LMNB1: variants seen among roughly 807,000 people sequenced by gnomAD.
LMNB1 encodes the protein lamin-B1.
A neutral mutation model predicts 67.1 loss-of-function variants in LMNB1; 23 were observed. That is an observed-to-expected ratio of 0.34 (90% confidence interval 0.25 to 0.49). The LOEUF (loss-of-function observed/expected upper bound fraction) is 0.49. LMNB1 is among the 20% of genes least tolerant of loss of function. The pLI is 0.99. For missense variants in LMNB1, 634 were observed against 746.5 expected (o/e 0.85, Z 1.76); for synonymous variants, 281 against 282.9 (o/e 0.99, Z 0.07).
At chr5:126,812,531 C>T (rs777391703) in intron 5 of LMNB1, among the ~76,000 whole-genome samples, 1 of 152,124 alleles carries the variant, frequency 6.6e-6, no homozygotes, top group Non-Finnish European at 1.5e-5. Flanking sequence ...GACACTACTT[C>T]AGATCAGTTT....
At chr5:126,790,551 T>G (rs529325320) in intron 1 of LMNB1, among the ~76,000 whole-genome samples, 2 of 152,220 alleles carry the variant, frequency 1.3e-5, no homozygotes, top group African/African-American at 4.8e-5. Flanking sequence ...TGATCACCTA[T>G]AAAAATAGTA....
At chr5:126,802,118 T>C (rs1237508107) in intron 1 of LMNB1, among the ~76,000 whole-genome samples, 1 of 152,160 alleles carries the variant, frequency 6.6e-6, no homozygotes, top group East Asian at 1.9e-4. Context: ...TCTGGACTAG[T>C]CTTCAGTTAA....
intron 6 of LMNB1, among the ~76,000 whole-genome samples, chr5:126,819,781 C>T (rs1751814838): frequency 6.6e-6 from 1 of 152,110 alleles, no homozygotes; most frequent in Non-Finnish European, 1.5e-5. Flanking sequence ...AGCCACCACG[C>T]CCGGCTGGCT....
intron 1 of LMNB1, among the ~76,000 whole-genome samples, chr5:126,799,253 C>T (rs1163942588): frequency 1.3e-5 from 2 of 152,202 alleles, no homozygotes; most frequent in African/African-American, 4.8e-5. Flanking sequence ...CTCCTGACCT[C>T]GTGATCCGCC....
Position 126,787,266 on chromosome 5 carries a change from A to C in LMNB1, c.359+9399A>C, listed in dbSNP as rs145939699. On this transcript the variant is annotated intron_variant, in intron 1 of 10. Transcript: ENST00000261366. ...CAAGGACCGCTACCTAAGGCAGGCT[A>C]GGAGCCGTGTGAAATTTTGAAAGAC... 3.4e-3 allele frequency among the ~76,000 whole-genome samples: 511 copies of C among 152,094 alleles called. 5 individuals are homozygous for C. The highest frequency in any genetic ancestry group is 0.012 in the African/African-American group (489 of 41,488).
In LMNB1 at chr5:126,786,271, C is replaced by T. The variant is rs1964722; in HGVS notation, c.359+8404C>T. On this transcript the variant is annotated intron_variant, in intron 1 of 10. Coordinates refer to ENST00000261366, the MANE Select transcript of LMNB1 (RefSeq NM_005573.4). ...CCAAGTAGCTGGGACTACAGGTGCCCGCCACTACGCCCGGCTAATTTTTTG... is the reference window on the plus strand; with the variant it reads ...CCAAGTAGCTGGGACTACAGGTGCCTGCCACTACGCCCGGCTAATTTTTTG... Among the ~76,000 whole-genome samples, 14 of 151,626 alleles carry T rather than the reference C, an allele frequency of 9.2e-5. No individual in the cohort carries two copies. In the East Asian group the frequency reaches 1.2e-3, roughly 13 times the overall value.
At chr5:126,817,181 G>C (rs1751732535) in intron 5 of LMNB1, among the ~76,000 whole-genome samples, 1 of 152,110 alleles carries the variant, frequency 6.6e-6, no homozygotes, top group South Asian at 2.1e-4. Context: ...GGCTTAAATT[G>C]TTTCATATTT....
In LMNB1 at chr5:126,785,208, G is replaced by C. The variant is rs187463213; in HGVS notation, c.359+7341G>C. On this transcript the variant is annotated intron_variant, in intron 1 of 10. Transcript: ENST00000261366. Reference sequence around the variant, plus strand: ...TCACCATGTCGGCCAGGATCATCTCGATCTCCTGACCTCGTGATCCGCCCG... The same window carrying C: ...TCACCATGTCGGCCAGGATCATCTCCATCTCCTGACCTCGTGATCCGCCCG... 3.9e-4 allele frequency among the ~76,000 whole-genome samples: 58 copies of C among 148,664 alleles called. No individual in the cohort carries two copies. The East Asian group carries it at 9.7e-3, about 25-fold the overall frequency.
chr5:126,833,736 G>A (rs1000800157), intron 10 of LMNB1, among the ~76,000 whole-genome samples: 2 of 152,166 alleles, frequency 1.3e-5, no homozygotes, highest in Non-Finnish European at 2.9e-5. Context: ...ATAACTCAAG[G>A]CACCAGACAA....
intron 4 of LMNB1, among the ~76,000 whole-genome samples, chr5:126,811,279 AT>A (rs1215966542): frequency 6.6e-6 from 1 of 152,216 alleles, no homozygotes; most frequent in Non-Finnish European, 1.5e-5. Context: ...CAATAGTGTT[AT>A]GGGATTTGTA....
chr5:126,776,883 G>A (rs1191153414), upstream of LMNB1: 1 of 152,254 alleles, frequency 6.6e-6, no homozygotes, highest in African/African-American at 2.4e-5. Context: ...TTACAGCCCT[G>A]AGCCTGGTCC....
At chr5:126,800,982 A>ATTTTTTATTTTT (rs1751271057) in intron 1 of LMNB1, among the ~76,000 whole-genome samples, 1 of 18,632 alleles carries the variant, frequency 5.4e-5, no homozygotes, top group African/African-American at 1.7e-4. Flanking sequence ...TATATATATA[A>ATTTTTTATTTTT]TTTTTTTTTT....
At chr5:126,822,627 C>T (rs1046405898) in intron 7 of LMNB1, among the ~76,000 whole-genome samples, 154 bp from the exon 8 acceptor site, 1 of 152,190 alleles carries the variant, frequency 6.6e-6, no homozygotes, top group Non-Finnish European at 1.5e-5. Flanking sequence ...ATGACAGAAT[C>T]GTGTTTTCTT....
intron 1 of LMNB1, among the ~76,000 whole-genome samples, chr5:126,791,087 C>T (rs1750944254): frequency 6.6e-6 from 1 of 152,112 alleles, no homozygotes; most frequent in South Asian, 2.1e-4. Flanking sequence ...CTTTAGTTTT[C>T]TAGCTTTCAT....
intron 3 of LMNB1, 39 bp downstream of exon 3, chr5:126,805,735 G>A (rs1033455855): frequency 1.2e-5 from 18 of 1,455,382 alleles, no homozygotes; most frequent in Non-Finnish European, 1.7e-5. Flanking sequence ...GGAATGGAGG[G>A]GTTCTAGAAT....
At chr5:126,778,805 C>A (rs1204154140) in intron 1 of LMNB1, among the ~76,000 whole-genome samples, 2 of 152,046 alleles carry the variant, frequency 1.3e-5, no homozygotes, top group African/African-American at 2.4e-5. Context: ...GATAGTAGAC[C>A]AGGGCAGGTG....
intron 1 of LMNB1, among the ~76,000 whole-genome samples, chr5:126,799,282 G>C (rs1751202373): frequency 6.6e-6 from 1 of 152,246 alleles, no homozygotes; most frequent in Non-Finnish European, 1.5e-5. Flanking sequence ...AAACTGCTGG[G>C]ATTACAGGCG....
At chr5:126,780,873 C>T (rs1368380700) in intron 1 of LMNB1, among the ~76,000 whole-genome samples, 1 of 152,046 alleles carries the variant, frequency 6.6e-6, no homozygotes, top group African/African-American at 2.4e-5. Context: ...GAAAAATTTG[C>T]CCTCAGTGTG....
chr5:126,835,757 A>T (rs1752233995), intron 10 of LMNB1, among the ~76,000 whole-genome samples: 1 of 152,192 alleles, frequency 6.6e-6, no homozygotes, highest in Non-Finnish European at 1.5e-5. Context: ...ACTGTTCTGG[A>T]ATTTGTTGGG....
Sources: gnomAD v4.1 joint callset for allele counts (sites outside exome capture counted in the v4.1 genomes callset) on GRCh38, gnomAD v4.1.1 for gene constraint, MANE v1.5 for transcripts, NCBI Gene and HGNC (gene_info 2026-07-23, HGNC 2026-07-21) for gene names.